TIMM17A: variants seen among roughly 807,000 people sequenced by gnomAD.
TIMM17A encodes the protein mitochondrial import inner membrane translocase subunit Tim17-A.
TIMM17A carries 15 observed loss-of-function variants against 26.5 expected under a neutral mutation model. The observed-to-expected ratio is 0.57, with a 90% confidence interval of 0.38 to 0.87. The LOEUF (loss-of-function observed/expected upper bound fraction) is 0.87, where lower values mean the gene tolerates loss of function less well. Ranked by LOEUF, TIMM17A falls within the 40% of genes least tolerant of loss-of-function variation. The pLI is 0.00. For synonymous variants in TIMM17A, 80 were observed against 70.8 expected (o/e 1.13, Z -0.66); for missense variants, 201 against 210.0 (o/e 0.96, Z 0.27).
chr1:201,956,912 C>CAT (rs1682422075), intron 1 of TIMM17A, among the ~76,000 whole-genome samples: 1 of 149,724 alleles, frequency 6.7e-6, no homozygotes, highest in South Asian at 2.1e-4. Context: ...GCCAAGATTG[C>CAT]GCCATTGCAC....
At chr1:201,958,723 A>T (rs900305676) in intron 3 of TIMM17A, among the ~76,000 whole-genome samples, 3 of 152,202 alleles carry the variant, frequency 2.0e-5, no homozygotes, top group African/African-American at 7.2e-5. Context: ...ACACAAGGGT[A>T]TAGTTAGATT....
chr1:201,968,580 C>T (rs1248833719), intron 5 of TIMM17A, among the ~76,000 whole-genome samples: 4 of 151,366 alleles, frequency 2.6e-5, no homozygotes, highest in Admixed American at 1.3e-4. Flanking sequence ...TCAGTAGAGA[C>T]GGGGTTTCGC....
In TIMM17A at chr1:201,969,368, A is replaced by G. The variant is rs1421147691; in HGVS notation, c.431-101A>G. 6.4e-6 allele frequency: 6 copies of G among 939,798 alleles called. No homozygotes were observed. The Admixed American group carries it at 7.1e-5, about 11-fold the overall frequency. The allele number at this position is 939,798 out of a possible 1,614,324, so 58.2% of individuals were successfully genotyped here. ...TAGGGTTATAGCTTTAATTTAGCAC[A>G]TTTTTTTGTTGTTGATTGATTTACT... On this transcript the variant is annotated intron_variant, in intron 5 of 5. Transcript: ENST00000367287.
intron 3 of TIMM17A, among the ~76,000 whole-genome samples, chr1:201,960,885 A>G (rs1291743130): frequency 6.6e-6 from 1 of 151,668 alleles, no homozygotes. Flanking sequence ...AGTAGCTGGG[A>G]TTATAGGCAT....
At chr1:201,955,678 T>A in intron 1 of TIMM17A, 126 bp downstream of exon 1, 1 of 1,318,062 alleles carries the variant, frequency 7.6e-7, no homozygotes, top group Non-Finnish European at 1.1e-6. Context: ...GCCTGGTAAC[T>A]GGGCAATGCG....
intron 3 of TIMM17A, among the ~76,000 whole-genome samples, chr1:201,958,493 A>C (rs2102941611): frequency 6.6e-6 from 1 of 152,388 alleles, no homozygotes; most frequent in South Asian, 2.1e-4. Flanking sequence ...GCTTGAGCTC[A>C]GGAGTTCGAG....
intron 5 of TIMM17A, among the ~76,000 whole-genome samples, chr1:201,969,225 G>C (rs1682689354): frequency 6.6e-6 from 1 of 152,114 alleles, no homozygotes; most frequent in Non-Finnish European, 1.5e-5. Context: ...GACTTTCCTA[G>C]CATAGTGTTT....
intron 4 of TIMM17A, among the ~76,000 whole-genome samples, chr1:201,964,772 C>G (rs1367774459): frequency 6.7e-6 from 1 of 149,106 alleles, no homozygotes; most frequent in East Asian, 2.0e-4. Flanking sequence ...CCTCAGCCTC[C>G]CGAGTAGCTG....
At chr1:201,965,749 T>G (rs1682614563) in intron 5 of TIMM17A, among the ~76,000 whole-genome samples, 1 of 152,248 alleles carries the variant, frequency 6.6e-6, no homozygotes, top group Admixed American at 6.5e-5. Flanking sequence ...TTGATCTTTC[T>G]TTATAGTACT....
chr1:201,957,196 C>A, intron 1 of TIMM17A, 85 bp from the exon 2 acceptor site: 1 of 857,994 alleles, frequency 1.2e-6, no homozygotes. Context: ...ATAATCTGTT[C>A]CATTATAATC....
intron 3 of TIMM17A, among the ~76,000 whole-genome samples, chr1:201,958,746 T>C (rs779722083): frequency 5.3e-5 from 8 of 152,196 alleles, no homozygotes; most frequent in Non-Finnish European, 1.2e-4. Flanking sequence ...AGAGACCGTA[T>C]ATAAGACATG....
chr1:201,957,762 A>C, intron 3 of TIMM17A, 188 bp downstream of exon 3: 1 of 515,748 alleles, frequency 1.9e-6, no homozygotes, highest in Non-Finnish European at 3.4e-6. Flanking sequence ...TATGATACCC[A>C]TTTGAAAATC....
intron 3 of TIMM17A, among the ~76,000 whole-genome samples, chr1:201,958,218 G>A (rs1483057247): frequency 6.6e-6 from 1 of 152,194 alleles, no homozygotes; most frequent in Non-Finnish European, 1.5e-5. Flanking sequence ...TGATCTGAAG[G>A]ATTGGGGTTT....
intron 5 of TIMM17A, among the ~76,000 whole-genome samples, chr1:201,967,178 T>C (rs897044709): frequency 7.9e-5 from 12 of 152,052 alleles, no homozygotes; most frequent in African/African-American, 2.9e-4. Context: ...TGCTTTGATT[T>C]CCCTGAGGCA....
chr1:201,961,619 A>G (rs1252548914), intron 3 of TIMM17A, among the ~76,000 whole-genome samples: 1 of 152,136 alleles, frequency 6.6e-6, no homozygotes, highest in Non-Finnish European at 1.5e-5. Flanking sequence ...TGGGAGGCCA[A>G]GGCAGGAGAA....
chr1:201,967,058 G>A (rs1682646798), intron 5 of TIMM17A, among the ~76,000 whole-genome samples: 1 of 143,784 alleles, frequency 7.0e-6, no homozygotes, highest in Admixed American at 7.3e-5. Context: ...AATTTGACCT[G>A]GCATTTGGGA....
intron 3 of TIMM17A, among the ~76,000 whole-genome samples, chr1:201,960,573 C>T (rs959457136): frequency 6.6e-6 from 1 of 152,110 alleles, no homozygotes; most frequent in Non-Finnish European, 1.5e-5. Flanking sequence ...TTATCCATTT[C>T]AAATCCTAGA....
At chr1:201,967,129 AT>A (rs1682647655) in intron 5 of TIMM17A, among the ~76,000 whole-genome samples, 4 of 151,808 alleles carry the variant, frequency 2.6e-5, no homozygotes, top group Admixed American at 2.0e-4. Flanking sequence ...CTTGGAAAAG[AT>A]TCAGCATAAA....
intron 4 of TIMM17A, among the ~76,000 whole-genome samples, chr1:201,964,358 C>CTAT (rs1682585391): frequency 1.3e-5 from 2 of 152,086 alleles, no homozygotes; most frequent in South Asian, 4.1e-4. Context: ...TTACACCTGC[C>CTAT]ATATAGAGTT....
Sources: allele counts gnomAD v4.1 joint callset (sites outside exome capture counted in the v4.1 genomes callset), GRCh38; gene constraint gnomAD v4.1.1; transcripts MANE v1.5; gene names NCBI Gene and HGNC (gene_info 2026-07-23, HGNC 2026-07-21).